The following KCNIP4 variants were observed in gnomAD, a reference collection of about 807,000 sequenced individuals.
The protein encoded by KCNIP4 is potassium voltage-gated channel interacting protein 4, also known as Kv channel-interacting protein 4.
KCNIP4 carries 12 observed loss-of-function variants against 34.0 expected under a neutral mutation model. The observed-to-expected ratio is 0.35, with a 90% CI of 0.23 to 0.57. The LOEUF is 0.57. Ranked by LOEUF, KCNIP4 falls within the 20% of genes least tolerant of loss-of-function variation. The pLI is 0.83. For synonymous variants in KCNIP4, 124 were observed against 102.2 expected (o/e 1.21, Z -1.29); for missense variants, 238 against 311.7 (o/e 0.76, Z 1.78).
At chr4:21,234,411 C>T (rs1577933152) in intron 1 of KCNIP4, among the ~76,000 whole-genome samples, 1 of 111,936 alleles carries the variant, frequency 8.9e-6, no homozygotes, top group African/African-American at 3.4e-5. Flanking sequence ...TATTATATAA[C>T]ATATACTATA....
chr4:20,747,542 C>G (rs1752632939), intron 5 of KCNIP4, among the ~76,000 whole-genome samples: 1 of 152,152 alleles, frequency 6.6e-6, no homozygotes, highest in East Asian at 1.9e-4. Context: ...GGATAGTCTT[C>G]CCCCAACCAT....
intron 1 of KCNIP4, among the ~76,000 whole-genome samples, chr4:21,948,312 G>A (rs1730615980): frequency 6.6e-6 from 1 of 152,126 alleles, no homozygotes; most frequent in Admixed American, 6.5e-5. Context: ...AGGATCGCAG[G>A]GGACCCTGCC....
At chr4:21,607,954 G>A (rs1013774668) in intron 1 of KCNIP4, among the ~76,000 whole-genome samples, 1 of 152,160 alleles carries the variant, frequency 6.6e-6, no homozygotes, top group African/African-American at 2.4e-5. Context: ...GACGCTGCAG[G>A]TGACAGTTGT....
rs200025206 is a variant in KCNIP4, at chr4:21,519,785, ATGTGTG to A, written c.61+428780_61+428785del. Among the ~76,000 whole-genome samples the A allele has an allele frequency of 1.0e-3, 130 of 128,542 alleles. 1 individual carries two copies. Among genetic ancestry groups the A allele is most frequent in the East Asian group, 8.3e-3 (33 of 3,958 alleles). 84.3% of individuals were successfully genotyped at this position (128,542 alleles called of 152,430 possible). A position where few individuals can be genotyped will look rare whatever the true frequency, so the allele number is the denominator to read the frequency against. On this transcript the variant is annotated intron_variant, in intron 1 of 8. Coordinates refer to ENST00000382152, the MANE Select transcript of KCNIP4 (RefSeq NM_025221.6). Reference sequence around the variant, plus strand: ...TATGTGTGTATACACACGTGTGTGTATGTGTGTGTATACACGTGTGTGTATGTGTGT... The same window carrying A: ...TATGTGTGTATACACACGTGTGTGTATGTATACACGTGTGTGTATGTGTGT...
chr4:21,820,281 GTGTGTATATATATATA>G (rs1311397525), intron 1 of KCNIP4, among the ~76,000 whole-genome samples: 1 of 17,912 alleles, frequency 5.6e-5, no homozygotes, highest in African/African-American at 1.7e-4. Context: ...GTATGTGTGT[GTGTGTATATATATATA>G]TATATATATA....
At chr4:21,878,232 C>A (rs77681908) in intron 1 of KCNIP4, among the ~76,000 whole-genome samples, 3 of 152,048 alleles carry the variant, frequency 2.0e-5, no homozygotes, top group South Asian at 2.1e-4. Context: ...CACACCACCA[C>A]GCACAGCTAA....
At chr4:21,251,042 C>CT (rs1038824319) in intron 1 of KCNIP4, among the ~76,000 whole-genome samples, 2 of 151,756 alleles carry the variant, frequency 1.3e-5, no homozygotes, top group Non-Finnish European at 2.9e-5. Flanking sequence ...TTCATGACAG[C>CT]TTTTTTTAAA....
At chr4:21,403,366 C>G (rs1160968546) in intron 1 of KCNIP4, among the ~76,000 whole-genome samples, 2 of 152,202 alleles carry the variant, frequency 1.3e-5, no homozygotes, top group African/African-American at 4.8e-5. Flanking sequence ...TCAATGTCAC[C>G]ATCTTCTCAC....
chr4:21,351,984 G>T (rs990968419), intron 1 of KCNIP4, among the ~76,000 whole-genome samples: 3 of 152,144 alleles, frequency 2.0e-5, no homozygotes, highest in African/African-American at 7.2e-5. Context: ...CACATCATAA[G>T]TTGAGGCTCT....
chr4:21,867,768 A>T (rs1052604085), intron 1 of KCNIP4, among the ~76,000 whole-genome samples: 1 of 152,250 alleles, frequency 6.6e-6, no homozygotes, highest in Non-Finnish European at 1.5e-5. Context: ...ATTTAATAAC[A>T]TATTCTAAAT....
At chr4:21,833,745 A>G (rs997402316) in intron 1 of KCNIP4, among the ~76,000 whole-genome samples, 2 of 152,182 alleles carry the variant, frequency 1.3e-5, no homozygotes, top group Non-Finnish European at 2.9e-5. Context: ...TAAGTCTTTA[A>G]TCCATCTTGA....
chr4:20,886,320 T>G (rs1185022967), intron 1 of KCNIP4, among the ~76,000 whole-genome samples: 1 of 152,076 alleles, frequency 6.6e-6, no homozygotes, highest in East Asian at 1.9e-4. Flanking sequence ...TTCAGGGAGG[T>G]AGAGCTCATA....
chr4:21,650,454 T>C (rs955567819), intron 1 of KCNIP4, among the ~76,000 whole-genome samples: 20 of 152,182 alleles, frequency 1.3e-4, no homozygotes, highest in African/African-American at 4.6e-4. Flanking sequence ...TGATATTGGA[T>C]CTCTATTCTT....
intron 1 of KCNIP4, among the ~76,000 whole-genome samples, chr4:21,647,943 G>A (rs1341363672): frequency 2.2e-5 from 3 of 139,086 alleles, no homozygotes; most frequent in South Asian, 2.3e-4. Context: ...GCGTGATCTC[G>A]GCTCATTGCA....
chr4:20,729,504 T>C lies in KCNIP4; in HGVS notation c.*578A>G, dbSNP rs1196812213. The C allele has an allele frequency of 6.7e-6, 1 of 149,132 alleles. No homozygotes were observed. Among genetic ancestry groups the C allele is most frequent in the Non-Finnish European group, 1.5e-5 (1 of 67,458 alleles). The allele number at this position is 149,132 out of a possible 1,614,324, so 9.2% of individuals were successfully genotyped here. A position where few individuals can be genotyped will look rare whatever the true frequency, so the allele number is the denominator to read the frequency against. On this transcript the variant is annotated 3_prime_UTR_variant, in exon 9 of 9. Transcript: ENST00000382152. ...TAAATGTTTAATAATTTTTAAATGT[T>C]TAAAAATGCCAGATAAAACTAATTT...
At chr4:21,271,737 T>C (rs1259264949) in intron 1 of KCNIP4, among the ~76,000 whole-genome samples, 5 of 152,120 alleles carry the variant, frequency 3.3e-5, no homozygotes, top group Admixed American at 3.3e-4. Flanking sequence ...TAATGCAGTG[T>C]GTTTCTATAA....
intron 1 of KCNIP4, among the ~76,000 whole-genome samples, chr4:21,105,411 G>A (rs149402090): frequency 0.28 from 42,740 of 151,316 alleles, 6,909 homozygotes; most frequent in African/African-American, 0.41. Flanking sequence ...TGTTATTGGT[G>A]TATAAGAATG....
intron 1 of KCNIP4, among the ~76,000 whole-genome samples, chr4:21,476,024 T>C (rs1268486673): frequency 1.3e-5 from 2 of 152,194 alleles, no homozygotes; most frequent in Admixed American, 1.3e-4. Flanking sequence ...TTGCTTTTCA[T>C]ATGAAGACCC....
At chr4:20,944,881 T>A (rs1306062965) in intron 1 of KCNIP4, among the ~76,000 whole-genome samples, 1 of 152,214 alleles carries the variant, frequency 6.6e-6, no homozygotes, top group East Asian at 1.9e-4. Flanking sequence ...TATACTTATT[T>A]ATTGCCTCTC....
Sources: gnomAD v4.1 joint callset for allele counts (sites outside exome capture counted in the v4.1 genomes callset) on GRCh38, gnomAD v4.1.1 for gene constraint, MANE v1.5 for transcripts, NCBI Gene and HGNC (gene_info 2026-07-23, HGNC 2026-07-21) for gene names.